TTLL12: variants seen among roughly 807,000 people sequenced by gnomAD.
TTLL12 encodes tubulin tyrosine ligase like 12, also known as tubulin--tyrosine ligase-like protein 12.
A neutral mutation model predicts 79.6 loss-of-function variants in TTLL12; 77 were observed. The observed-to-expected ratio is 0.97, with a 90% confidence interval of 0.81 to 1.17. The LOEUF is 1.17. Among genes scored for constraint, TTLL12 ranks in the 50% most tolerant of loss-of-function variants. TTLL12 has a pLI of 0.00. For synonymous variants in TTLL12, 437 were observed against 376.1 expected (o/e 1.16, Z -1.87); for missense variants, 969 against 895.9 (o/e 1.08, Z -1.04).
At position 43,169,547 on chromosome 22, in the gene TTLL12, G is replaced by C. The variant is rs768576308; in HGVS notation, c.1597C>G (p.Pro533Ala). ...LKQVHCEEFI[P>A]EFEKQYPEFP... ...TCTGGGTATTGCTTCTCAAACTCGG[G>C]GATGAACTCTTCACAGTGCACCTGC... The change falls in exon 12 of 14, where the codon CCC becomes GCC. Residue 533 changes from proline (P) to alanine (A), a missense_variant. Pro to Ala is a conservative substitution (Grantham distance 27, BLOSUM62 -1). Transcript: ENST00000216129. The C allele has an allele frequency of 6.2e-7, 1 of 1,612,178 alleles. No individual in the cohort carries two copies. Among genetic ancestry groups the C allele is most frequent in the South Asian group, 1.1e-5 (1 of 90,936 alleles).
At chr22:43,178,246 G>C (rs939137849) in intron 5 of TTLL12, among the ~76,000 whole-genome samples, 1 of 151,580 alleles carries the variant, frequency 6.6e-6, no homozygotes, top group Non-Finnish European at 1.5e-5. Flanking sequence ...GTGAAAGGAG[G>C]CCCCCCCACC....
chr22:43,186,033 G>A (rs1932174510), intron 1 of TTLL12: 16 of 985,322 alleles, frequency 1.6e-5, no homozygotes, highest in South Asian at 4.7e-5. Flanking sequence ...AGAGACCGTA[G>A]AGTCTGGCCA....
chr22:43,168,331 A>G (rs1931670922), intron 13 of TTLL12, among the ~76,000 whole-genome samples, 172 bp from the exon 14 acceptor site: 1 of 151,796 alleles, frequency 6.6e-6, no homozygotes, highest in Non-Finnish European at 1.5e-5. Flanking sequence ...TTTGCTGGGG[A>G]GGCCTGGCCT....
At chr22:43,172,704 T>G in intron 9 of TTLL12, 150 bp from the exon 10 acceptor site, 1 of 736,446 alleles carries the variant, frequency 1.4e-6, no homozygotes, top group East Asian at 3.1e-5. Context: ...GCAAAGTCTT[T>G]TTTTTTTTTT....
At chr22:43,169,744 C>T (rs558794337) in intron 11 of TTLL12, 176 bp from the exon 12 acceptor site, 8 of 690,124 alleles carry the variant, frequency 1.2e-5, no homozygotes, top group East Asian at 1.1e-4. Flanking sequence ...GTCTGGGCTC[C>T]AGGTCTTACT....
chr22:43,170,318 T>C (rs868768848), intron 11 of TTLL12: 18 of 217,552 alleles, frequency 8.3e-5, no homozygotes, highest in South Asian at 5.6e-4. Context: ...CAGGCAAGGA[T>C]AAGACAGACA....
Position 43,180,852 on chromosome 22 carries a change from C to G in TTLL12, c.436G>C (p.Ala146Pro), listed in dbSNP as rs1387430455. The G allele has an allele frequency of 6.2e-7, 1 of 1,613,070 alleles. No homozygotes were observed. Among genetic ancestry groups the G allele is most frequent in the East Asian group, 2.2e-5 (1 of 44,884 alleles). The change falls in exon 3 of 14, where the codon GCC (alanine) becomes CCC (proline). Residue 146 changes from alanine to proline, a missense_variant. Physicochemically the swap from Ala to Pro is conservative, Grantham distance 27. Coordinates refer to ENST00000216129, the MANE Select transcript of TTLL12 (RefSeq NM_015140.4). ...QQVPGLLHRM[A>P]NLMGIEFHGE... ...TGGAACTCAATGCCCATCAGGTTGG[C>G]CATGCGGTGCAGCAGCCCGGGCACC...
intron 5 of TTLL12, 27 bp from the exon 6 acceptor site, chr22:43,176,423 G>C (rs374689371): frequency 2.3e-5 from 37 of 1,584,966 alleles, no homozygotes; most frequent in Non-Finnish European, 3.0e-5. Context: ...CGGAAGTAGA[G>C]ATGAGGTCAA....
chr22:43,169,801 C>T (rs774524740), intron 11 of TTLL12: 21 of 617,110 alleles, frequency 3.4e-5, no homozygotes, highest in South Asian at 3.2e-4. Context: ...CTGTTTCCTC[C>T]TCTGTGAAAT....
intron 5 of TTLL12, 61 bp from the exon 6 acceptor site, chr22:43,176,457 T>C (rs1931915541): frequency 5.1e-6 from 7 of 1,364,442 alleles, no homozygotes; most frequent in African/African-American, 1.4e-5. Context: ...AGGCCGGCCG[T>C]GGTGGCTCAT....
chr22:43,177,309 C>G (rs967432770), intron 5 of TTLL12, among the ~76,000 whole-genome samples: 6 of 151,952 alleles, frequency 3.9e-5, no homozygotes, highest in Non-Finnish European at 8.8e-5. Flanking sequence ...TTGGAAATGG[C>G]AGTTAGCTAG....
intron 5 of TTLL12, 27 bp downstream of exon 5, chr22:43,179,592 G>T (rs1479376672): frequency 6.5e-7 from 1 of 1,548,590 alleles, no homozygotes. Context: ...CAAGCAGACA[G>T]GCCTGGTGGG....
intron 6 of TTLL12, 27 bp downstream of exon 6, chr22:43,176,293 C>G (rs1172945994): frequency 6.5e-7 from 1 of 1,538,768 alleles, no homozygotes; most frequent in Non-Finnish European, 8.8e-7. Context: ...CAAGTCCCAG[C>G]CCAAGCAGTG....
At position 43,172,497 on chromosome 22, in the gene TTLL12, C is replaced by T. The variant is rs1931792233; in HGVS notation, c.1399G>A (p.Val467Ile). ...VLFLREDVGK[V>I]KFDIRYIVLL... ...ACGATGTAGCGGATGTCGAACTTGA[C>T]CTTTCCCACGTCTTCTCGAAGGAAC... The change falls in exon 10 of 14, where the codon GTC becomes ATC. Residue 467 changes from valine to isoleucine, a missense_variant. By Grantham distance (29) the Val-to-Ile change is conservative. Transcript: ENST00000216129. 1 of 1,614,022 alleles carries T rather than the reference C, an allele frequency of 6.2e-7. No homozygotes were observed. Among genetic ancestry groups the T allele is most frequent in the African/African-American group, 1.3e-5 (1 of 74,890 alleles).
At chr22:43,168,731 G>A in intron 13 of TTLL12, 43 bp downstream of exon 13, 2 of 1,544,236 alleles carry the variant, frequency 1.3e-6, no homozygotes, top group Non-Finnish European at 1.7e-6. Context: ...TGGCGGAGGG[G>A]GCGCCTGCTG....
chr22:43,172,083 G>A (rs1390779289), intron 10 of TTLL12, among the ~76,000 whole-genome samples, 183 bp from the exon 11 acceptor site: 2 of 152,232 alleles, frequency 1.3e-5, no homozygotes, highest in African/African-American at 2.4e-5. Context: ...CCACTGAGCT[G>A]GGGTGGAGGT....
intron 5 of TTLL12, among the ~76,000 whole-genome samples, chr22:43,178,603 G>A (rs1180434887): frequency 1.3e-5 from 2 of 152,128 alleles, no homozygotes; most frequent in Non-Finnish European, 2.9e-5. Flanking sequence ...TTACAGGCAT[G>A]AGCCCCCACG....
At chr22:43,176,490 G>A (rs552770982) in intron 5 of TTLL12, 94 bp from the exon 6 acceptor site, 2 of 1,031,156 alleles carry the variant, frequency 1.9e-6, no homozygotes, top group Non-Finnish European at 3.0e-6. Context: ...AGCACTTTGA[G>A]AGGGTGAGGC....
chr22:43,183,017 T>C lies in TTLL12; in HGVS notation c.310A>G (p.Thr104Ala). Residue 104 changes from threonine (T) to alanine (A), a missense_variant, in exon 2 of 14, where the codon ACC becomes GCC. Physicochemically the swap from Thr to Ala is moderately conservative, Grantham distance 58. Transcript: ENST00000216129. ...GCTGCCTGGAGCCCGCTCTCCCTGG[T>C]CACGATGACCTTGTAGCACAGCTCG... ...GNELCYKVIV[T>A]RESGLQAAHP... is the part of the protein sequence containing the mutation. 6.2e-7 allele frequency: 1 copy of C among 1,613,930 alleles called. No individual in the cohort carries two copies. Among genetic ancestry groups the C allele is most frequent in the Admixed American group, 1.7e-5 (1 of 60,008 alleles).
Sources: allele counts gnomAD v4.1 joint callset (sites outside exome capture counted in the v4.1 genomes callset), GRCh38; gene constraint gnomAD v4.1.1; transcripts MANE v1.5; gene names NCBI Gene and HGNC (gene_info 2026-07-23, HGNC 2026-07-21).